XXYLT1: variants seen among roughly 807,000 people sequenced by gnomAD.
XXYLT1 encodes xyloside xylosyltransferase 1.
A neutral mutation model predicts 28.9 loss-of-function variants in XXYLT1; 20 were observed. The observed-to-expected ratio is 0.69, with a 90% CI of 0.49 to 1.00. XXYLT1 has a LOEUF of 1.00. Ranked by LOEUF, XXYLT1 falls within the 50% of genes least tolerant of loss-of-function variation. The probability of loss-of-function intolerance (pLI) is 0.00; values close to 1 mark genes in which losing one functional copy is unlikely to be tolerated. For missense variants in XXYLT1, 542 were observed against 560.1 expected (o/e 0.97, Z 0.33); for synonymous variants, 257 against 253.8 (o/e 1.01, Z -0.12).
intron 1 of XXYLT1, among the ~76,000 whole-genome samples, chr3:195,243,715 T>C (rs1724881656): frequency 6.6e-6 from 1 of 152,174 alleles, no homozygotes; most frequent in African/African-American, 2.4e-5. Flanking sequence ...CAAGGGTAAG[T>C]GGTAAATGCT....
chr3:195,159,215 A>G (rs1382986624), intron 2 of XXYLT1, among the ~76,000 whole-genome samples: 2 of 152,234 alleles, frequency 1.3e-5, no homozygotes, highest in Non-Finnish European at 2.9e-5. Context: ...AATGTCCACC[A>G]TGTCCAAATC....
In XXYLT1 at chr3:195,168,206, G is replaced by T. The variant is rs1414134401; in HGVS notation, c.653-11625C>A. Among the ~76,000 whole-genome samples, 8 of 152,200 alleles carry T rather than the reference G, an allele frequency of 5.3e-5. No homozygotes were observed. Among genetic ancestry groups the T allele is most frequent in the Admixed American group, 2.0e-4 (3 of 15,290 alleles). On this transcript the variant is annotated intron_variant, in intron 2 of 3. Transcript: ENST00000310380. The surrounding 1 kb of genome is among the most constrained non-coding windows in gnomAD (Gnocchi z 4.3). Reference sequence around the variant, plus strand: ...ACTGTAAGGATGAGGGGTTTGAAATGAATGTGGTCTGAGACTCCTCCCAGC... The same window carrying T: ...ACTGTAAGGATGAGGGGTTTGAAATTAATGTGGTCTGAGACTCCTCCCAGC...
intron 2 of XXYLT1, among the ~76,000 whole-genome samples, chr3:195,221,441 C>T (rs149309372): frequency 6.6e-6 from 1 of 152,244 alleles, no homozygotes; most frequent in African/African-American, 2.4e-5. Flanking sequence ...AACAGTAGCG[C>T]TTAGCATAGG....
At position 195,256,440 on chromosome 3, in the gene XXYLT1, C is replaced by T. The variant is rs1725481409; in HGVS notation, c.504+14115G>A. 1 of 977,730 alleles carries T rather than the reference C, an allele frequency of 1.0e-6. No individual in the cohort carries two copies. Among genetic ancestry groups the T allele is most frequent in the Non-Finnish European group, 1.2e-6 (1 of 822,898 alleles). 60.6% of individuals were successfully genotyped at this position (977,730 alleles called of 1,614,324 possible). On this transcript the variant is annotated intron_variant, in intron 1 of 3. Transcript: ENST00000310380. The surrounding 1 kb of genome is among the most constrained non-coding windows in gnomAD (Gnocchi z 4.2). ...GCCTGAGGTGCGGCCCTGCACAGGG[C>T]AGGGCCCGAGAAACGAACCAGTACC...
At position 195,078,306 on chromosome 3, in the gene XXYLT1, T is replaced by C. The variant is rs1362018546; in HGVS notation, c.786-8195A>G. On this transcript the variant is annotated intron_variant, in intron 3 of 3. Transcript: ENST00000310380. The surrounding 1 kb of genome is among the most constrained non-coding windows in gnomAD (Gnocchi z 5.0). ...CGTGGAAGAAGAGGAGCCAGGAAGA[T>C]GCAGGGCGTTGGAGGACCCCGGCCA... 1.3e-5 allele frequency among the ~76,000 whole-genome samples: 2 copies of C among 152,004 alleles called. No individual in the cohort carries two copies. Among genetic ancestry groups the C allele is most frequent in the East Asian group, 3.9e-4 (2 of 5,158 alleles).
In XXYLT1 at chr3:195,133,094, G is replaced by A. The variant is rs1577063522; in HGVS notation, c.785+23355C>T. 6.6e-6 allele frequency among the ~76,000 whole-genome samples: 1 copy of A among 152,188 alleles called. No homozygotes were observed. The highest frequency in any genetic ancestry group is 1.9e-4 in the East Asian group (1 of 5,196). Reference sequence around the variant, plus strand: ...CTTGGGGTGGAGGTGGTGGGCAAGTGTAAGCACCAGCATGGTCTCAGGGAC... The same window carrying A: ...CTTGGGGTGGAGGTGGTGGGCAAGTATAAGCACCAGCATGGTCTCAGGGAC... On this transcript the variant is annotated intron_variant, in intron 3 of 3. Coordinates refer to ENST00000310380, the MANE Select transcript of XXYLT1 (RefSeq NM_152531.5). The surrounding 1 kb of genome is among the most constrained non-coding windows in gnomAD (Gnocchi z 4.4).
intron 3 of XXYLT1, among the ~76,000 whole-genome samples, chr3:195,136,156 A>T (rs1183722483): frequency 1.3e-5 from 2 of 152,216 alleles, no homozygotes; most frequent in Non-Finnish European, 2.9e-5. Flanking sequence ...TTTGCTGGAG[A>T]GAGCCCCACA....
intron 3 of XXYLT1, among the ~76,000 whole-genome samples, chr3:195,113,393 C>G (rs1717884411): frequency 6.6e-6 from 1 of 152,110 alleles, no homozygotes; most frequent in Admixed American, 6.6e-5. Flanking sequence ...GGCACCGTTC[C>G]AAGAAGCTGA....
Position 195,270,727 on chromosome 3 carries a change from T to G in XXYLT1, c.332A>C (p.Asn111Thr). 6.3e-7 allele frequency: 1 copy of G among 1,590,716 alleles called. No individual in the cohort carries two copies. The highest frequency in any genetic ancestry group is 8.5e-7 in the Non-Finnish European group (1 of 1,172,588). The change falls in exon 1 of 4, where the codon AAT (asparagine) becomes ACT (threonine). Residue 111 changes from asparagine to threonine, a missense_variant. Physicochemically the swap from Asn to Thr is moderately conservative, Grantham distance 65. Coordinates refer to ENST00000310380, the MANE Select transcript of XXYLT1 (RefSeq NM_152531.5). ...LLMMFTKAEH[N>T]AALQAKARVA... is the part of the protein sequence containing the mutation. ...GCGGGCCTTGGCCTGCAGCGCGGCA[T>G]TGTGCTCCGCCTTGGTGAACATCAT...
chr3:195,127,579 C>T (rs1380682081), intron 3 of XXYLT1, among the ~76,000 whole-genome samples: 2 of 151,840 alleles, frequency 1.3e-5, no homozygotes, highest in Admixed American at 6.6e-5. Flanking sequence ...AGTTCAAGAC[C>T]AGCATGGGCA....
intron 1 of XXYLT1, among the ~76,000 whole-genome samples, chr3:195,243,897 C>G (rs964096801): frequency 6.6e-6 from 1 of 152,232 alleles, no homozygotes; most frequent in Non-Finnish European, 1.5e-5. Context: ...GGCAGCACCA[C>G]AAACAGCTGA....
At chr3:195,103,462 C>T (rs1423014680) in intron 3 of XXYLT1, among the ~76,000 whole-genome samples, 1 of 152,170 alleles carries the variant, frequency 6.6e-6, no homozygotes, top group East Asian at 1.9e-4. Context: ...CTGCGTCCAT[C>T]TCTTCTGCAT....
At chr3:195,243,378 T>C (rs1167507507) in intron 1 of XXYLT1, among the ~76,000 whole-genome samples, 1 of 151,748 alleles carries the variant, frequency 6.6e-6, no homozygotes, top group Non-Finnish European at 1.5e-5. Flanking sequence ...AAAGAGATGG[T>C]TCGGGGGTTG....
chr3:195,172,466 C>A (rs1224275451), intron 2 of XXYLT1, among the ~76,000 whole-genome samples: 1 of 152,216 alleles, frequency 6.6e-6, no homozygotes, highest in African/African-American at 2.4e-5. Context: ...CAGCCAGCAA[C>A]AACACACTGC....
intron 2 of XXYLT1, among the ~76,000 whole-genome samples, chr3:195,202,533 T>C (rs568532292): frequency 6.6e-6 from 1 of 152,256 alleles, no homozygotes; most frequent in East Asian, 1.9e-4. Flanking sequence ...GAGAGAAGAC[T>C]TGGCCATAAG....
intron 2 of XXYLT1, among the ~76,000 whole-genome samples, chr3:195,172,891 G>A (rs1206153917): frequency 6.6e-6 from 1 of 152,224 alleles, no homozygotes; most frequent in African/African-American, 2.4e-5. Context: ...GTTAAAAAGC[G>A]GGGAGGAGAA....
chr3:195,191,561 T>C (rs56668696), intron 2 of XXYLT1, among the ~76,000 whole-genome samples: 7,819 of 152,272 alleles, frequency 0.051, 620 homozygotes, highest in African/African-American at 0.18. Context: ...TCCAAAGTTA[T>C]GGGGGGTTGG....
intron 2 of XXYLT1, among the ~76,000 whole-genome samples, chr3:195,182,530 C>T (rs371278819): frequency 2.0e-4 from 31 of 152,298 alleles, no homozygotes; most frequent in African/African-American, 6.5e-4. Flanking sequence ...ACTCACTAGA[C>T]GAGCACAGTG....
At chr3:195,088,356 T>C (rs1715906645) in intron 3 of XXYLT1, among the ~76,000 whole-genome samples, 1 of 146,810 alleles carries the variant, frequency 6.8e-6, no homozygotes, top group African/African-American at 2.5e-5. Flanking sequence ...GCAGACTGCC[T>C]CCTCAAGTGG....
Sources: allele counts gnomAD v4.1 joint callset (sites outside exome capture counted in the v4.1 genomes callset), GRCh38; gene constraint gnomAD v4.1.1; non-coding constraint Gnocchi (gnomAD v3.1); transcripts MANE v1.5; gene names NCBI Gene and HGNC (gene_info 2026-07-23, HGNC 2026-07-21).